Variants in ZNF627 observed in about 807,000 individuals in gnomAD.
The protein encoded by ZNF627 is zinc finger protein 627.
ZNF627 carries 12 observed loss-of-function variants against 10.6 expected under a neutral mutation model. That is an observed-to-expected ratio of 1.13 (90% CI 0.73 to 1.84). The LOEUF (loss-of-function observed/expected upper bound fraction) is 1.84, where lower values mean the gene tolerates loss of function less well. Ranked by LOEUF, ZNF627 falls within the 40% of genes most tolerant of loss-of-function variation. ZNF627 has a pLI of 0.00. For missense variants in ZNF627, 504 were observed against 568.4 expected, an observed-to-expected ratio of 0.89 and a Z score of 1.15; for synonymous variants, 176 against 187.1, an observed-to-expected ratio of 0.94 and a Z score of 0.48.
chr19:11,616,355 A>T (rs1973867782), intron 3 of ZNF627, among the ~76,000 whole-genome samples: 1 of 152,064 alleles, frequency 6.6e-6, no homozygotes, highest in Admixed American at 6.6e-5. Flanking sequence ...CATGAATATC[A>T]TTTTTTGATA....
In ZNF627 at chr19:11,617,918, C is replaced by CA. The variant is rs1446595343; in HGVS notation, c.*30dup. The CA allele has an allele frequency of 2.7e-6, 4 of 1,482,090 alleles. No individual in the cohort carries two copies. Among genetic ancestry groups the CA allele is most frequent in the Non-Finnish European group, 3.6e-6 (4 of 1,122,410 alleles). The allele number at this position is 1,482,090 out of a possible 1,614,324, so 91.8% of individuals were successfully genotyped here. On this transcript the variant is annotated 3_prime_UTR_variant, in exon 4 of 4. Transcript: ENST00000361113. ...TGAAAGGAGTCACATAGAGAAACCC[C>CA]ATGAAAGTAAGAAATTTGGGAAAGC... is the stretch of plus-strand genomic sequence containing the variant.
Position 11,617,465 on chromosome 19 carries a change from G to A in ZNF627, c.962G>A (p.Ser321Asn). Residue 321 changes from serine (S) to asparagine (N), a missense_variant, in exon 4 of 4, where the codon AGT (serine) becomes AAT (asparagine). By Grantham distance (46) the Ser-to-Asn change is conservative. Coordinates refer to ENST00000361113, the MANE Select transcript of ZNF627 (RefSeq NM_145295.4). ...GGGAAGGCTTTGACTTGTCTTGCAAGTGTTAGAAGACACATGATAAAGCAC... is the reference window on the plus strand; with the variant it reads ...GGGAAGGCTTTGACTTGTCTTGCAAATGTTAGAAGACACATGATAAAGCAC... ...ECGKALTCLA[S>N]VRRHMIKHTG... 1.2e-6 allele frequency: 2 copies of A among 1,613,782 alleles called. No individual in the cohort carries two copies. The highest frequency in any genetic ancestry group is 8.5e-7 in the Non-Finnish European group (1 of 1,179,992).
At chr19:11,614,916 GT>G in intron 3 of ZNF627, 29 bp downstream of exon 3, 1 of 1,484,040 alleles carries the variant, frequency 6.7e-7, no homozygotes, top group Non-Finnish European at 9.2e-7. Context: ...AGAAAGTTCT[GT>G]TCCTTGAGAG....
intron 1 of ZNF627, among the ~76,000 whole-genome samples, chr19:11,608,843 G>GT (rs1035996188): frequency 1.3e-5 from 2 of 151,872 alleles, no homozygotes; most frequent in East Asian, 1.9e-4. Context: ...TAATCAATGT[G>GT]TTTTTTGCTG....
At chr19:11,608,638 A>G (rs1193045593) in intron 1 of ZNF627, among the ~76,000 whole-genome samples, 1 of 152,072 alleles carries the variant, frequency 6.6e-6, no homozygotes, top group Non-Finnish European at 1.5e-5. Context: ...CCATTTGTAT[A>G]TATCCTGGAG....
chr19:11,617,604 A>G lies in ZNF627; in HGVS notation c.1101A>G (p.Gln367=), dbSNP rs746496227. ...HTGEKPYDCK[Q]CGKAFSCSSS... ...GAGAGAAACCCTATGATTGTAAGCA[A>G]TGTGGGAAAGCCTTCAGTTGTTCCA... The change falls in exon 4 of 4, where the codon CAA becomes CAG. Residue 367 remains glutamine (Q), a synonymous_variant. Coordinates refer to ENST00000361113, the MANE Select transcript of ZNF627 (RefSeq NM_145295.4). 5.6e-6 allele frequency: 9 copies of G among 1,613,810 alleles called. No individual in the cohort carries two copies. The highest frequency in any genetic ancestry group is 2.2e-5 in the South Asian group (2 of 91,074).
intron 1 of ZNF627, among the ~76,000 whole-genome samples, chr19:11,602,927 T>C (rs768972166): frequency 6.6e-6 from 1 of 152,162 alleles, no homozygotes; most frequent in Non-Finnish European, 1.5e-5. Context: ...TAAATGGGCA[T>C]TGGGCATTTC....
Position 11,617,036 on chromosome 19 carries a change from C to G in ZNF627, c.533C>G (p.Ser178Cys). The G allele has an allele frequency of 6.2e-7, 1 of 1,614,004 alleles. No individual in the cohort carries two copies. The highest frequency in any genetic ancestry group is 8.5e-7 in the Non-Finnish European group (1 of 1,179,948). ...AAGGAATGTGGAGAAACCTTTATTT[C>G]TCTTGTAAGCATTCGAAGACACATG... ...DCKECGETFI[S>C]LVSIRRHMLT... Residue 178 changes from serine (S) to cysteine (C), a missense_variant, in exon 4 of 4, where the codon TCT (serine) becomes TGT (cysteine). Coordinates refer to ENST00000361113, the MANE Select transcript of ZNF627 (RefSeq NM_145295.4).
intron 1 of ZNF627, among the ~76,000 whole-genome samples, chr19:11,614,034 A>C (rs1250832441): frequency 6.9e-6 from 1 of 145,822 alleles, no homozygotes; most frequent in Non-Finnish European, 1.5e-5. Context: ...CCATTCTTCT[A>C]CCTCAGCCTC....
At chr19:11,600,523 G>T (rs1206936399) in intron 1 of ZNF627, among the ~76,000 whole-genome samples, 1 of 152,048 alleles carries the variant, frequency 6.6e-6, no homozygotes, top group Non-Finnish European at 1.5e-5. Flanking sequence ...TGGGGGTGGG[G>T]TGTGGTGATT....
At chr19:11,607,049 AT>A (rs1390960033) in intron 1 of ZNF627, among the ~76,000 whole-genome samples, 1 of 152,038 alleles carries the variant, frequency 6.6e-6, no homozygotes, top group African/African-American at 2.4e-5. Flanking sequence ...CATTTTCTCC[AT>A]TGTCTTGGTG....
intron 1 of ZNF627, among the ~76,000 whole-genome samples, chr19:11,599,054 G>T (rs553361189): frequency 9.6e-4 from 146 of 152,260 alleles, no homozygotes; most frequent in Admixed American, 1.6e-3. Context: ...TTTGGGTTGG[G>T]GTTCCCCTTT....
chr19:11,606,336 C>CA (rs1476278970), intron 1 of ZNF627, among the ~76,000 whole-genome samples: 3,171 of 139,990 alleles, frequency 0.023, 96 homozygotes, highest in East Asian at 0.13. Flanking sequence ...GACTCTGTCT[C>CA]AAAAAAAAAA....
chr19:11,615,716 CTTT>C (rs773368615), intron 3 of ZNF627, among the ~76,000 whole-genome samples: 2 of 131,450 alleles, frequency 1.5e-5, no homozygotes, highest in Non-Finnish European at 1.6e-5. Context: ...ATACGAATAT[CTTT>C]TTTTTTTTTT....
chr19:11,605,890 G>T (rs1172339039), intron 1 of ZNF627, among the ~76,000 whole-genome samples: 1 of 152,092 alleles, frequency 6.6e-6, no homozygotes, highest in Non-Finnish European at 1.5e-5. Context: ...TTCTGCCTAT[G>T]AGCCTGTAAA....
intron 1 of ZNF627, chr19:11,604,089 T>G (rs1973634140): frequency 6.6e-6 from 1 of 151,972 alleles, no homozygotes; most frequent in Admixed American, 6.6e-5. Context: ...TATGATATCA[T>G]ATATATCATA....
chr19:11,603,903 G>A (rs1226162641), intron 1 of ZNF627, among the ~76,000 whole-genome samples: 1 of 151,650 alleles, frequency 6.6e-6, no homozygotes, highest in Non-Finnish European at 1.5e-5. Context: ...GACCTCCAGG[G>A]CTCAAGTGAT....
intron 1 of ZNF627, chr19:11,604,452 G>C (rs1973639767): frequency 6.6e-6 from 1 of 152,232 alleles, no homozygotes; most frequent in Non-Finnish European, 1.5e-5. Context: ...ATCTCACCCA[G>C]ATCATGGGGT....
At chr19:11,606,534 G>C (rs1973678257) in intron 1 of ZNF627, among the ~76,000 whole-genome samples, 1 of 152,138 alleles carries the variant, frequency 6.6e-6, no homozygotes, top group South Asian at 2.1e-4. Context: ...GGTGCAAACT[G>C]TCAGTGGATT....
Sources: allele counts gnomAD v4.1 joint callset (sites outside exome capture counted in the v4.1 genomes callset), GRCh38; gene constraint gnomAD v4.1.1; transcripts MANE v1.5; gene names NCBI Gene and HGNC (gene_info 2026-07-23, HGNC 2026-07-21).